Variants in BAIAP2L1 observed in about 807,000 individuals in gnomAD.
BAIAP2L1 encodes BAR/IMD domain containing adaptor protein 2 like 1, also known as BAR/IMD domain-containing adapter protein 2-like 1.
Under a neutral mutation model 66.3 loss-of-function variants are expected in BAIAP2L1, and 35 were observed. That is an observed-to-expected ratio of 0.53 (90% CI 0.40 to 0.70). BAIAP2L1 has a LOEUF of 0.70. Ranked by LOEUF, BAIAP2L1 falls within the 30% of genes least tolerant of loss-of-function variation. BAIAP2L1 has a pLI of 0.00. For missense variants in BAIAP2L1, 622 were observed against 656.9 expected (o/e 0.95, Z 0.58); for synonymous variants, 269 against 248.7 (o/e 1.08, Z -0.77).
intron 8 of BAIAP2L1, among the ~76,000 whole-genome samples, chr7:98,311,854 C>T (rs1292905232): frequency 6.6e-6 from 1 of 151,968 alleles, no homozygotes; most frequent in African/African-American, 2.4e-5. Flanking sequence ...TGCAGTGAGC[C>T]GAGATCACTC....
chr7:98,379,669 C>T (rs980805358), intron 1 of BAIAP2L1, among the ~76,000 whole-genome samples: 1 of 152,150 alleles, frequency 6.6e-6, no homozygotes, highest in Admixed American at 6.5e-5. Context: ...TTAGAGACAA[C>T]CCACATGTCC....
intron 3 of BAIAP2L1, among the ~76,000 whole-genome samples, chr7:98,346,972 T>C (rs1231865234): frequency 6.6e-6 from 1 of 151,398 alleles, no homozygotes; most frequent in Non-Finnish European, 1.5e-5. Context: ...ATGAAGATGT[T>C]TCAGGGAAAG....
At chr7:98,319,552 T>C (rs1169255586) in intron 5 of BAIAP2L1, among the ~76,000 whole-genome samples, 1 of 151,192 alleles carries the variant, frequency 6.6e-6, no homozygotes, top group East Asian at 1.9e-4. Context: ...CTATGCCTTT[T>C]TTTTTTTTTT....
chr7:98,297,190 C>T (rs1800228111), intron 12 of BAIAP2L1, among the ~76,000 whole-genome samples: 2 of 152,228 alleles, frequency 1.3e-5, no homozygotes, highest in Non-Finnish European at 2.9e-5. Flanking sequence ...CTTGTGATCC[C>T]CCATCTCCCG....
intron 10 of BAIAP2L1, 154 bp downstream of exon 10, chr7:98,307,535 G>A: frequency 4.8e-6 from 7 of 1,456,758 alleles, no homozygotes; most frequent in Non-Finnish European, 6.3e-6. Flanking sequence ...AATAGCCTGG[G>A]ATCGAATAAC....
chr7:98,320,200 T>G (rs1801204508), intron 4 of BAIAP2L1, 37 bp downstream of exon 4: 1 of 1,588,550 alleles, frequency 6.3e-7, no homozygotes, highest in African/African-American at 1.3e-5. Flanking sequence ...AAACCTGAAA[T>G]GAGTGTATTT....
chr7:98,363,948 T>C (rs1444822431), intron 1 of BAIAP2L1, among the ~76,000 whole-genome samples: 1 of 152,212 alleles, frequency 6.6e-6, no homozygotes, highest in Admixed American at 6.5e-5. Flanking sequence ...TCCATAGCCC[T>C]GGTCTTATGC....
intron 7 of BAIAP2L1, among the ~76,000 whole-genome samples, chr7:98,315,096 G>A (rs375694155): frequency 1.3e-5 from 2 of 152,182 alleles, no homozygotes; most frequent in East Asian, 3.8e-4. Context: ...TGTGGAAGGT[G>A]AGTGGCGTGC....
intron 5 of BAIAP2L1, among the ~76,000 whole-genome samples, chr7:98,319,736 A>T (rs1370103387): frequency 6.6e-6 from 1 of 152,074 alleles, no homozygotes; most frequent in African/African-American, 2.4e-5. Flanking sequence ...TTTTGAGTAG[A>T]GATGGGGTTT....
rs1048023129 is a variant in BAIAP2L1 at position 98,319,776 on chromosome 7, A to G, written c.348+282T>C. Among the ~76,000 whole-genome samples, 8 of 151,940 alleles carry G rather than the reference A, an allele frequency of 5.3e-5. No homozygotes were observed. In the East Asian group the frequency reaches 1.5e-3, roughly 29 times the overall value. On this transcript the variant is annotated intron_variant, in intron 5 of 13. Transcript: ENST00000005260. ...ATGTTGGCCAGGCTGGTCTTGAACT[A>G]CTGACCTCAAGTGATCCGCCTGCCT...
At chr7:98,321,577 G>A (rs1400750829) in intron 3 of BAIAP2L1, among the ~76,000 whole-genome samples, 3 of 152,146 alleles carry the variant, frequency 2.0e-5, no homozygotes, top group Non-Finnish European at 2.9e-5. Flanking sequence ...GTGGCAGTGC[G>A]CCAGCTCTCT....
intron 3 of BAIAP2L1, among the ~76,000 whole-genome samples, chr7:98,328,226 G>A (rs916354217): frequency 6.6e-5 from 10 of 152,138 alleles, no homozygotes; most frequent in Non-Finnish European, 1.2e-4. Context: ...TGAGGAGGCC[G>A]GAGAAGGGCC....
At chr7:98,333,314 T>C (rs1801543111) in intron 3 of BAIAP2L1, among the ~76,000 whole-genome samples, 1 of 152,132 alleles carries the variant, frequency 6.6e-6, no homozygotes, top group African/African-American at 2.4e-5. Flanking sequence ...ATGAGCACAC[T>C]GGGCCAGGTG....
At chr7:98,343,165 A>G (rs1370441985) in intron 3 of BAIAP2L1, among the ~76,000 whole-genome samples, 1 of 151,132 alleles carries the variant, frequency 6.6e-6, no homozygotes, top group African/African-American at 2.4e-5. Flanking sequence ...TGGGAGGCTG[A>G]GGTGGGTGGA....
chr7:98,351,644 T>A (rs961488043), intron 3 of BAIAP2L1, among the ~76,000 whole-genome samples: 1 of 152,128 alleles, frequency 6.6e-6, no homozygotes, highest in Non-Finnish European at 1.5e-5. Context: ...AGTATGAGGA[T>A]GAGAAGACAG....
At chr7:98,363,233 C>A (rs556012705) in intron 1 of BAIAP2L1, among the ~76,000 whole-genome samples, 1 of 152,014 alleles carries the variant, frequency 6.6e-6, no homozygotes, top group South Asian at 2.1e-4. Flanking sequence ...CGGGGTTTCA[C>A]CATGTTGGCC....
chr7:98,394,651 C>T (rs939899659), intron 1 of BAIAP2L1, among the ~76,000 whole-genome samples: 3 of 152,194 alleles, frequency 2.0e-5, no homozygotes, highest in African/African-American at 7.2e-5. Context: ...ACTGGTGCGT[C>T]ACTGTGGAAA....
In BAIAP2L1 at chr7:98,292,821, C is replaced by T. The variant is rs1193148242; in HGVS notation, c.*700G>A. On this transcript the variant is annotated 3_prime_UTR_variant, in exon 14 of 14. Coordinates refer to ENST00000005260, the MANE Select transcript of BAIAP2L1 (RefSeq NM_018842.5). ...GCCCAGGCCTGTGTCCTGGATGGGC[C>T]GTGTGCAGCGAATCCGTTGGCGACT... 29 of 1,482,494 alleles carry T rather than the reference C, an allele frequency of 2.0e-5. No homozygotes were observed. Among genetic ancestry groups the T allele is most frequent in the African/African-American group, 2.8e-5 (2 of 70,212 alleles). The allele number at this position is 1,482,494 out of a possible 1,614,324, so 91.8% of individuals were successfully genotyped here.
intron 1 of BAIAP2L1, among the ~76,000 whole-genome samples, chr7:98,376,827 C>A (rs1802645126): frequency 6.6e-6 from 1 of 152,040 alleles, no homozygotes; most frequent in Non-Finnish European, 1.5e-5. Context: ...AACAAAACTC[C>A]ATCTCAAACA....
Sources: allele counts gnomAD v4.1 joint callset (sites outside exome capture counted in the v4.1 genomes callset), GRCh38; gene constraint gnomAD v4.1.1; transcripts MANE v1.5; gene names NCBI Gene and HGNC (gene_info 2026-07-23, HGNC 2026-07-21).